IMMP2L: variants seen among roughly 807,000 people sequenced by gnomAD.
The protein encoded by IMMP2L is inner mitochondrial membrane peptidase subunit 2, also known as mitochondrial inner membrane protease subunit 2.
IMMP2L carries 18 observed loss-of-function variants against 19.3 expected under a neutral mutation model. That is an observed-to-expected ratio of 0.93 (90% CI 0.64 to 1.38). IMMP2L has a LOEUF of 1.38. Ranked by LOEUF, IMMP2L falls within the 40% of genes most tolerant of loss-of-function variation. The pLI is 0.00. For synonymous variants in IMMP2L, 76 were observed against 73.0 expected (o/e 1.04, Z -0.21); for missense variants, 233 against 218.2 (o/e 1.07, Z -0.43).
rs111982528 is a variant in IMMP2L at position 111,273,155 on chromosome 7, T to C, written c.239+214083A>G. ...CACTGGGCATGGTGGCGGGCATCTG[T>C]AATCCCAGCTACTTGGGAGGCTGAG... On this transcript the variant is annotated intron_variant, in intron 3 of 5. Transcript: ENST00000405709. 3.5e-3 allele frequency among the ~76,000 whole-genome samples: 531 copies of C among 152,078 alleles called. 3 individuals carry two copies. Among genetic ancestry groups the C allele is most frequent in the African/African-American group, 0.012 (503 of 41,506 alleles).
At chr7:111,368,988 T>C (rs1830040022) in intron 3 of IMMP2L, among the ~76,000 whole-genome samples, 1 of 151,974 alleles carries the variant, frequency 6.6e-6, no homozygotes, top group Non-Finnish European at 1.5e-5. Context: ...TAAAATATTA[T>C]GTTTTATAGA....
At chr7:111,068,685 C>T (rs927716259) in intron 3 of IMMP2L, among the ~76,000 whole-genome samples, 17 of 152,094 alleles carry the variant, frequency 1.1e-4, no homozygotes, top group Non-Finnish European at 2.5e-4. Context: ...AACAGAGCAA[C>T]CTCTCAGTGA....
chr7:111,062,048 C>T (rs191804524), intron 3 of IMMP2L, among the ~76,000 whole-genome samples: 16 of 152,328 alleles, frequency 1.1e-4, no homozygotes, highest in Non-Finnish European at 2.2e-4. Flanking sequence ...TTGCTTAGCA[C>T]CCTTTCTTTT....
chr7:111,092,704 C>A (rs1423393243), intron 3 of IMMP2L, among the ~76,000 whole-genome samples: 1 of 152,164 alleles, frequency 6.6e-6, no homozygotes, highest in East Asian at 1.9e-4. Context: ...TTAATTTTTA[C>A]TTCCAATCTT....
intron 1 of IMMP2L, among the ~76,000 whole-genome samples, chr7:111,534,884 A>T (rs750603752): frequency 1.3e-5 from 2 of 152,166 alleles, no homozygotes; most frequent in Non-Finnish European, 2.9e-5. Flanking sequence ...TTAAAATAGA[A>T]TAAAATCAAC....
chr7:111,484,796 A>G (rs1332916581), intron 3 of IMMP2L, among the ~76,000 whole-genome samples: 1 of 152,132 alleles, frequency 6.6e-6, no homozygotes, highest in African/African-American at 2.4e-5. Context: ...GACTAAAAAG[A>G]TACTTTTTAT....
At chr7:111,491,029 A>G (rs1216263470) in intron 2 of IMMP2L, among the ~76,000 whole-genome samples, 4 of 152,012 alleles carry the variant, frequency 2.6e-5, no homozygotes, top group Non-Finnish European at 5.9e-5. Flanking sequence ...AGACAGTAAG[A>G]CTAACTCCTC....
At chr7:111,240,727 C>A (rs1027688692) in intron 3 of IMMP2L, among the ~76,000 whole-genome samples, 1 of 151,892 alleles carries the variant, frequency 6.6e-6, no homozygotes, top group Admixed American at 6.6e-5. Flanking sequence ...GGCTATTGAC[C>A]TAATTTATAT....
intron 3 of IMMP2L, among the ~76,000 whole-genome samples, chr7:111,308,966 T>C (rs1289366386): frequency 1.3e-5 from 2 of 152,104 alleles, no homozygotes; most frequent in Non-Finnish European, 2.9e-5. Context: ...AAGAATCATT[T>C]TTCAGCTGAG....
intron 3 of IMMP2L, among the ~76,000 whole-genome samples, chr7:111,197,159 C>T (rs1245441473): frequency 1.3e-5 from 2 of 151,994 alleles, no homozygotes; most frequent in African/African-American, 4.8e-5. Flanking sequence ...CAACAAATTC[C>T]TTTAAAAATG....
intron 3 of IMMP2L, among the ~76,000 whole-genome samples, chr7:111,280,933 G>A (rs1185704578): frequency 6.6e-6 from 1 of 151,812 alleles, no homozygotes; most frequent in Non-Finnish European, 1.5e-5. Context: ...AGCCAGGCGT[G>A]GTGGCAGGCG....
chr7:111,145,694 G>T (rs1310812002), intron 3 of IMMP2L, among the ~76,000 whole-genome samples: 1 of 152,032 alleles, frequency 6.6e-6, no homozygotes, highest in Non-Finnish European at 1.5e-5. Flanking sequence ...TGCTGAGTCT[G>T]GTGGTTGCAA....
intron 3 of IMMP2L, among the ~76,000 whole-genome samples, chr7:111,276,273 T>C (rs532910845): frequency 2.0e-5 from 3 of 152,134 alleles, no homozygotes; most frequent in Non-Finnish European, 4.4e-5. Context: ...TATCGAAGCA[T>C]CCTTGCATCC....
At chr7:111,039,319 T>A (rs987095561) in intron 3 of IMMP2L, among the ~76,000 whole-genome samples, 1 of 152,172 alleles carries the variant, frequency 6.6e-6, no homozygotes, top group Non-Finnish European at 1.5e-5. Flanking sequence ...TGTGGTCTAT[T>A]TAGGGAGTCA....
chr7:111,203,987 G>T (rs1289755312), intron 3 of IMMP2L, among the ~76,000 whole-genome samples: 2 of 151,954 alleles, frequency 1.3e-5, no homozygotes, highest in Admixed American at 1.3e-4. Flanking sequence ...CTGCTGAATG[G>T]ACTCACAAAT....
At chr7:110,819,136 A>C (rs1445697768) in intron 5 of IMMP2L, among the ~76,000 whole-genome samples, 2 of 152,050 alleles carry the variant, frequency 1.3e-5, no homozygotes, top group Non-Finnish European at 2.9e-5. Context: ...AAAGAAAAAA[A>C]AATCAGTTCT....
chr7:111,119,132 G>A (rs926611345), intron 3 of IMMP2L, among the ~76,000 whole-genome samples: 1 of 152,140 alleles, frequency 6.6e-6, no homozygotes, highest in Admixed American at 6.6e-5. Context: ...GCTGGAGAAA[G>A]CAGACCTAAC....
intron 3 of IMMP2L, among the ~76,000 whole-genome samples, chr7:111,415,172 G>A (rs533661640): frequency 1.7e-4 from 26 of 151,902 alleles, no homozygotes; most frequent in East Asian, 5.8e-4. Context: ...AAGGGGGCCT[G>A]TATAGGAGCC....
intron 5 of IMMP2L, among the ~76,000 whole-genome samples, chr7:110,695,022 A>AGAT (rs1190018933): frequency 2.6e-5 from 4 of 152,188 alleles, no homozygotes; most frequent in African/African-American, 4.8e-5. Context: ...AAATCCACAG[A>AGAT]GATAGAATGT....
Sources: gnomAD v4.1 joint callset for allele counts (sites outside exome capture counted in the v4.1 genomes callset) on GRCh38, gnomAD v4.1.1 for gene constraint, MANE v1.5 for transcripts, NCBI Gene and HGNC (gene_info 2026-07-23, HGNC 2026-07-21) for gene names.